The following ENO4 variants were observed in gnomAD, a reference collection of about 807,000 sequenced individuals.
The protein encoded by ENO4 is 2-phospho-D-glycerate hydro-lyase.
ENO4 carries 53 observed loss-of-function variants against 63.2 expected under a neutral mutation model. The observed-to-expected ratio is 0.84, with a 90% confidence interval of 0.67 to 1.05. The LOEUF is 1.05. Among genes scored for constraint, ENO4 ranks in the 50% least tolerant of loss-of-function variants. The pLI is 0.00. For synonymous variants in ENO4, 266 were observed against 283.8 expected (o/e 0.94, Z 0.63); for missense variants, 719 against 772.0 (o/e 0.93, Z 0.81).
At chr10:116,901,221 C>G (rs1847722362) in intron 10 of ENO4, 1 of 985,140 alleles carries the variant, frequency 1.0e-6, no homozygotes, top group Non-Finnish European at 1.2e-6. Flanking sequence ...GAAACACATT[C>G]AATAGCAGGA....
intron 10 of ENO4, among the ~76,000 whole-genome samples, chr10:116,898,068 C>T (rs1157424141): frequency 6.6e-6 from 1 of 152,146 alleles, no homozygotes; most frequent in Admixed American, 6.5e-5. Flanking sequence ...TGGCTCATCC[C>T]TGTAATCCCA....
intron 10 of ENO4, among the ~76,000 whole-genome samples, chr10:116,893,150 C>T (rs1847391518): frequency 6.6e-6 from 1 of 152,088 alleles, no homozygotes; most frequent in Non-Finnish European, 1.5e-5. Context: ...TTGCTGTTTG[C>T]ACAGCAACTC....
At chr10:116,911,789 C>A, downstream of ENO4, 1 of 1,609,118 alleles carries the variant, frequency 6.2e-7, no homozygotes, top group Non-Finnish European at 8.5e-7. Flanking sequence ...TCTATTCTTA[C>A]CAGTATTCCT....
At chr10:116,886,455 C>G (rs1554904803), downstream of ENO4, 1 of 1,613,594 alleles carries the variant, frequency 6.2e-7, no homozygotes, top group South Asian at 1.1e-5. Context: ...TTTCAGCAAC[C>G]TGGTCTTTGG....
intron 11 of ENO4, among the ~76,000 whole-genome samples, chr10:116,876,716 T>C (rs1846842130): frequency 6.6e-6 from 1 of 152,144 alleles, no homozygotes; most frequent in South Asian, 2.1e-4. Context: ...TTTGGGAGGC[T>C]GAGGCCGGCG....
Position 116,888,387 on chromosome 10 carries a change from T to A in ENO4, c.1194+8401T>A, listed in dbSNP as rs1847228151. ...AACTATGAGTAATATTAAGGATTGATCAGAGGAATCAGACCTTAGGGAATG... is the reference window on the plus strand; with the variant it reads ...AACTATGAGTAATATTAAGGATTGAACAGAGGAATCAGACCTTAGGGAATG... On this transcript the variant is annotated intron_variant, in intron 10 of 10. Transcript: ENST00000369207. 2.0e-5 allele frequency among the ~76,000 whole-genome samples: 3 copies of A among 152,274 alleles called. No individual in the cohort carries two copies. In the South Asian group the frequency reaches 6.2e-4, roughly 32 times the overall value.
At chr10:116,864,912 C>T (rs191662349) in intron 7 of ENO4, among the ~76,000 whole-genome samples, 3 of 151,950 alleles carry the variant, frequency 2.0e-5, no homozygotes, top group East Asian at 2.0e-4. Flanking sequence ...CCCAGCTACT[C>T]GGGAGGCTGA....
chr10:116,893,152 C>T (rs940525078), intron 10 of ENO4, among the ~76,000 whole-genome samples: 1 of 152,134 alleles, frequency 6.6e-6, no homozygotes, highest in Non-Finnish European at 1.5e-5. Flanking sequence ...GCTGTTTGCA[C>T]AGCAACTCAG....
intron 11 of ENO4, among the ~76,000 whole-genome samples, chr10:116,878,565 C>T (rs80298783): frequency 0.012 from 1,769 of 152,156 alleles, 18 homozygotes; most frequent in Non-Finnish European, 0.017. Flanking sequence ...CATACCAACT[C>T]CACGTTACTC....
chr10:116,860,705 G>T lies in ENO4; in HGVS notation c.635-89G>T, dbSNP rs908415908. ...TAGAGCATTTGTTGTTCCCAGCCTC[G>T]GCTTTCATCCTTTCTTTTTCCTGGG... On this transcript the variant is annotated intron_variant, in intron 4 of 13. Transcript: ENST00000341276. 5.9e-6 allele frequency: 6 copies of T among 1,019,580 alleles called. No homozygotes were observed. The African/African-American group carries it at 9.7e-5, about 16-fold the overall frequency. 63.2% of individuals were successfully genotyped at this position (1,019,580 alleles called of 1,614,324 possible). A position where few individuals can be genotyped will look rare whatever the true frequency, so the allele number is the denominator to read the frequency against.
At chr10:116,898,537 A>G (rs1454274881) in intron 10 of ENO4, among the ~76,000 whole-genome samples, 2 of 152,202 alleles carry the variant, frequency 1.3e-5, no homozygotes, top group Non-Finnish European at 2.9e-5. Context: ...CATGATGAGC[A>G]TAATTCTGAT....
At chr10:116,856,988 C>CAA (rs66621882) in intron 3 of ENO4, among the ~76,000 whole-genome samples, 59 of 120,194 alleles carry the variant, frequency 4.9e-4, no homozygotes, top group Non-Finnish European at 8.5e-4. Flanking sequence ...GACTCTGTAT[C>CAA]AAAAAAAAAA....
At chr10:116,870,088 G>T (rs1846649014) in intron 8 of ENO4, among the ~76,000 whole-genome samples, 2 of 152,100 alleles carry the variant, frequency 1.3e-5, no homozygotes, top group Non-Finnish European at 2.9e-5. Context: ...CCAAATAAAA[G>T]TTTCTTCTCA....
At chr10:116,892,073 T>C (rs947269275) in intron 10 of ENO4, among the ~76,000 whole-genome samples, 1 of 152,198 alleles carries the variant, frequency 6.6e-6, no homozygotes, top group Non-Finnish European at 1.5e-5. Context: ...CTTTTTAACA[T>C]AGGTAACAAT....
intron 11 of ENO4, among the ~76,000 whole-genome samples, chr10:116,876,699 C>T (rs957072008): frequency 6.6e-6 from 1 of 152,196 alleles, no homozygotes; most frequent in Non-Finnish European, 1.5e-5. Context: ...GCCTGTAATC[C>T]CAGCACTTTG....
chr10:116,879,161 C>A, intron 11 of ENO4, 130 bp from the exon 12 acceptor site: 2 of 620,180 alleles, frequency 3.2e-6, no homozygotes, highest in Admixed American at 3.3e-5. Flanking sequence ...CGTTAGAATC[C>A]TAGGTAGGCA....
chr10:116,873,372 A>T (rs1165007648), intron 9 of ENO4, among the ~76,000 whole-genome samples: 1 of 152,154 alleles, frequency 6.6e-6, no homozygotes, highest in Non-Finnish European at 1.5e-5. Flanking sequence ...CCCAGGTACC[A>T]TCCCTGAACA....
chr10:116,911,596 CA>C (rs1177780808), exon 11 of ENO4: 24 of 1,551,142 alleles, frequency 1.5e-5, no homozygotes, highest in Non-Finnish European at 1.9e-5. Flanking sequence ...ACAAAAACAG[CA>C]CAGTGTTATT....
chr10:116,896,549 G>A lies in ENO4; in HGVS notation c.1195-14950G>A, dbSNP rs565104240. ...AAAAATACATACATCTGCAATGGTG[G>A]CGAACTGATAGCTATGTCCAAAAAT... On this transcript the variant is annotated intron_variant, in intron 10 of 10. Transcript: ENST00000369207. 2.0e-5 allele frequency among the ~76,000 whole-genome samples: 3 copies of A among 152,228 alleles called. No homozygotes were observed. The South Asian group carries it at 6.2e-4, about 32-fold the overall frequency.
Sources: allele counts gnomAD v4.1 joint callset (sites outside exome capture counted in the v4.1 genomes callset), GRCh38; gene constraint gnomAD v4.1.1; transcripts MANE v1.5; gene names NCBI Gene and HGNC (gene_info 2026-07-23, HGNC 2026-07-21).